The following EYA2 variants were observed in gnomAD, a reference collection of about 807,000 sequenced individuals.
The protein encoded by EYA2 is protein phosphatase EYA2.
EYA2 carries 31 observed loss-of-function variants against 69.2 expected under a neutral mutation model. The ratio of observed to expected loss-of-function variants is 0.45; its 90% CI spans 0.34 to 0.60. EYA2 has a LOEUF of 0.60. Among genes scored for constraint, EYA2 ranks in the 20% least tolerant of loss-of-function variants. EYA2 has a pLI of 0.02. For synonymous variants in EYA2, 257 were observed against 279.4 expected, an observed-to-expected ratio of 0.92 and a Z score of 0.80; for missense variants, 622 against 701.2, an observed-to-expected ratio of 0.89 and a Z score of 1.28.
chr20:46,969,976 A>G (rs1018272139), intron 1 of EYA2, among the ~76,000 whole-genome samples: 1 of 152,368 alleles, frequency 6.6e-6, no homozygotes, highest in South Asian at 2.1e-4. Context: ...GTGCTAGACC[A>G]TAAAACTTAC....
rs148951122 is a variant in EYA2 at position 47,138,186 on chromosome 20, C to A, written c.889-4873C>A. Among the ~76,000 whole-genome samples the A allele has an allele frequency of 4.1e-3, 620 of 151,916 alleles. 21 individuals carry two copies. In the East Asian group the frequency reaches 0.075, roughly 18 times the overall value. ...AAAAAAAAAGTGTTCTGACCCAGGGCAACACTGTGTTACTTGACTCCTGAG... is the reference window on the plus strand; with the variant it reads ...AAAAAAAAAGTGTTCTGACCCAGGGAAACACTGTGTTACTTGACTCCTGAG... On this transcript the variant is annotated intron_variant, in intron 9 of 15. Transcript: ENST00000327619.
intron 5 of EYA2, among the ~76,000 whole-genome samples, chr20:47,039,119 ACACACACACACACGCG>A (rs1984891056): frequency 6.6e-6 from 1 of 151,824 alleles, no homozygotes; most frequent in Admixed American, 6.6e-5. Flanking sequence ...AATCACACAC[ACACACACACACACGCG>A]CGCACAATTC....
chr20:47,188,014 G>A (rs1164530668), intron 15 of EYA2, 39 bp from the exon 16 acceptor site: 30 of 1,551,166 alleles, frequency 1.9e-5, no homozygotes, highest in Non-Finnish European at 2.4e-5. Context: ...GGGGGCAGGG[G>A]CGGGGCCATA....
intron 1 of EYA2, among the ~76,000 whole-genome samples, chr20:46,984,616 C>T (rs1158518824): frequency 6.6e-6 from 1 of 152,038 alleles, no homozygotes; most frequent in Non-Finnish European, 1.5e-5. Flanking sequence ...AAACTGGAAC[C>T]CTTATGTACT....
chr20:47,062,186 A>G (rs1421900257), intron 5 of EYA2, among the ~76,000 whole-genome samples: 1 of 152,178 alleles, frequency 6.6e-6, no homozygotes, highest in East Asian at 1.9e-4. Context: ...TCCACCTCGG[A>G]CCACCACCCC....
rs142134171 is a variant in EYA2 at position 46,908,725 on chromosome 20, A to T, written c.-11+13738A>T. On this transcript the variant is annotated intron_variant, in intron 1 of 15. Transcript: ENST00000327619. ...TGATTTTTCAAAATCTGAATTTTTA[A>T]GAGAAATGTCCCGCTTTTAAAATCA... Among the ~76,000 whole-genome samples, 17 of 152,212 alleles carry T rather than the reference A, an allele frequency of 1.1e-4. No individual in the cohort carries two copies. In the East Asian group the frequency reaches 3.1e-3, roughly 28 times the overall value.
At chr20:46,926,082 A>G (rs1012933526) in intron 1 of EYA2, among the ~76,000 whole-genome samples, 3 of 152,244 alleles carry the variant, frequency 2.0e-5, no homozygotes, top group Non-Finnish European at 4.4e-5. Flanking sequence ...TTTAAGAAGC[A>G]AGTGCGGAGT....
chr20:47,099,721 T>G (rs1344942535), intron 9 of EYA2, among the ~76,000 whole-genome samples: 1 of 152,228 alleles, frequency 6.6e-6, no homozygotes, highest in Non-Finnish European at 1.5e-5. Context: ...CAGTTCTCAT[T>G]TAAAACGTAG....
At chr20:47,060,321 A>G (rs1044629195) in intron 5 of EYA2, among the ~76,000 whole-genome samples, 6 of 152,258 alleles carry the variant, frequency 3.9e-5, no homozygotes, top group African/African-American at 1.4e-4. Context: ...TGGCCTCAGC[A>G]TATGAGCCTT....
chr20:46,932,597 C>T (rs1162076154), intron 1 of EYA2, among the ~76,000 whole-genome samples: 4 of 152,162 alleles, frequency 2.6e-5, no homozygotes, highest in Non-Finnish European at 5.9e-5. Context: ...AAGTGTTTGG[C>T]ACTGGCCAGG....
At chr20:47,126,373 A>C (rs1010978147) in intron 9 of EYA2, among the ~76,000 whole-genome samples, 3 of 152,052 alleles carry the variant, frequency 2.0e-5, no homozygotes, top group African/African-American at 7.2e-5. Flanking sequence ...TCACCTCCCT[A>C]ACCTGTCTCA....
rs3761150 is a variant in EYA2, at chr20:46,989,117, C to T, written c.-10-884C>T. Among the ~76,000 whole-genome samples the T allele has an allele frequency of 5.9e-5, 9 of 152,258 alleles. No individual in the cohort carries two copies. In the East Asian group the frequency reaches 1.7e-3, roughly 29 times the overall value. On this transcript the variant is annotated intron_variant, in intron 1 of 15. Coordinates refer to ENST00000327619, the MANE Select transcript of EYA2 (RefSeq NM_005244.5). ...TCCCTACTCTCCCCTGCCCGCCCCC[C>T]ATAACATATTATAAAAATCATGGGT...
intron 5 of EYA2, among the ~76,000 whole-genome samples, chr20:47,052,992 G>A (rs1158776165): frequency 6.6e-6 from 1 of 152,132 alleles, no homozygotes; most frequent in African/African-American, 2.4e-5. Flanking sequence ...TGTCCCCTAT[G>A]TGGTCCTGGA....
chr20:46,941,763 CT>C (rs1009650884), intron 1 of EYA2, among the ~76,000 whole-genome samples: 1 of 149,376 alleles, frequency 6.7e-6, no homozygotes, highest in Non-Finnish European at 1.5e-5. Context: ...GTTCTTTTTT[CT>C]TTTTTTTTTC....
chr20:46,952,784 G>A (rs1978883828), intron 1 of EYA2, among the ~76,000 whole-genome samples: 1 of 152,132 alleles, frequency 6.6e-6, no homozygotes. Context: ...GCTGAAATAA[G>A]AACCTCATAC....
At chr20:47,057,517 C>A (rs550566558) in intron 5 of EYA2, among the ~76,000 whole-genome samples, 3 of 150,680 alleles carry the variant, frequency 2.0e-5, no homozygotes, top group Non-Finnish European at 4.5e-5. Context: ...ATCACCCCCC[C>A]CCCCCATCTC....
rs374759007 is a variant in EYA2 at position 47,004,965 on chromosome 20, G to A, written c.179G>A (p.Arg60His). 3.8e-5 allele frequency: 61 copies of A among 1,613,892 alleles called. No homozygotes were observed. The highest frequency in any genetic ancestry group is 1.6e-4 in the Middle Eastern group (1 of 6,084). The change falls in exon 4 of 16, where the codon CGC becomes CAC. Residue 60 changes from arginine to histidine, a missense_variant. By Grantham distance (29) the Arg-to-His change is conservative. Coordinates refer to ENST00000327619, the MANE Select transcript of EYA2 (RefSeq NM_005244.5). ...FSRSCPRVLP[R>H]QPSTAMAAYG... Reference sequence around the variant, plus strand: ...AGATCTTGCCCACGTGTCCTCCCCCGCCAGCCTTCCACAGCCATGGCAGCC... The same window carrying A: ...AGATCTTGCCCACGTGTCCTCCCCCACCAGCCTTCCACAGCCATGGCAGCC...
intron 12 of EYA2, among the ~76,000 whole-genome samples, chr20:47,178,892 G>T (rs1401478902): frequency 6.7e-6 from 1 of 148,390 alleles, no homozygotes; most frequent in Non-Finnish European, 1.5e-5. Flanking sequence ...GGGTGGATAG[G>T]TGTCTATTAT....
At chr20:47,113,748 C>T (rs895064690) in intron 9 of EYA2, among the ~76,000 whole-genome samples, 2 of 152,198 alleles carry the variant, frequency 1.3e-5, no homozygotes, top group African/African-American at 2.4e-5. Context: ...GCACACCCCT[C>T]CTTAAGGGAA....
Sources: gnomAD v4.1 joint callset for allele counts (sites outside exome capture counted in the v4.1 genomes callset) on GRCh38, gnomAD v4.1.1 for gene constraint, MANE v1.5 for transcripts, NCBI Gene and HGNC (gene_info 2026-07-23, HGNC 2026-07-21) for gene names.